EML1: variants seen among roughly 807,000 people sequenced by gnomAD.
EML1 encodes EMAP like 1.
In EML1, 27 loss-of-function variants were observed where a neutral mutation model predicts 110.4. The observed-to-expected ratio is 0.24, with a 90% CI of 0.18 to 0.34. EML1 has a LOEUF of 0.34. Among genes scored for constraint, EML1 ranks in the 10% least tolerant of loss-of-function variants. EML1 has a pLI of 1.00. For missense variants in EML1, 741 were observed against 1,030.9 expected (o/e 0.72, Z 3.85); for synonymous variants, 344 against 385.8 (o/e 0.89, Z 1.27).
chr14:99,772,728 A>C (rs1285226327), upstream of EML1, among the ~76,000 whole-genome samples: 1 of 152,228 alleles, frequency 6.6e-6, no homozygotes, highest in Non-Finnish European at 1.5e-5. Context: ...TCATATCTAC[A>C]TATAGTATTA....
chr14:99,787,382 G>T (rs1049211905), intron 1 of EML1, among the ~76,000 whole-genome samples: 1 of 149,804 alleles, frequency 6.7e-6, no homozygotes, highest in Non-Finnish European at 1.5e-5. Context: ...CAGTTCAAGC[G>T]ATTCTCCTGC....
At chr14:99,747,302 A>T (rs2057122475) in intron 1 of EML1, among the ~76,000 whole-genome samples, 1 of 152,054 alleles carries the variant, frequency 6.6e-6, no homozygotes. Flanking sequence ...GGCACTGCGC[A>T]TTCTTCCAGG....
chr14:99,883,386 CT>C (rs2059420593), intron 4 of EML1: 1 of 152,290 alleles, frequency 6.6e-6, no homozygotes, highest in African/African-American at 2.4e-5. Flanking sequence ...CAAAAATTAG[CT>C]GAGCGTGTTG....
chr14:99,866,602 C>CAGTAGTGTTA (rs1389207777), intron 3 of EML1, among the ~76,000 whole-genome samples: 2 of 140,414 alleles, frequency 1.4e-5, no homozygotes, highest in Admixed American at 7.2e-5. Context: ...AAAAAGAGTT[C>CAGTAGTGTTA]AGTAGTGTTA....
chr14:99,776,732 C>A (rs1381351323), intron 1 of EML1, among the ~76,000 whole-genome samples: 6 of 152,186 alleles, frequency 3.9e-5, no homozygotes, highest in Non-Finnish European at 7.3e-5. Context: ...CCCCTCTTCT[C>A]AAATGGTGAT....
intron 15 of EML1, among the ~76,000 whole-genome samples, chr14:99,916,574 CTT>C (rs1003179319): frequency 1.2e-4 from 18 of 152,280 alleles, no homozygotes; most frequent in African/African-American, 4.3e-4. Context: ...TCATGTCACT[CTT>C]TTTATTGAAA....
At chr14:99,849,503 A>G (rs986512248) in intron 1 of EML1, among the ~76,000 whole-genome samples, 214 of 141,860 alleles carry the variant, frequency 1.5e-3, no homozygotes, top group African/African-American at 5.4e-3. Flanking sequence ...GTGTGTGTGT[A>G]TTTGTGTGTG....
At chr14:99,826,032 T>C (rs1241181310) in intron 1 of EML1, among the ~76,000 whole-genome samples, 3 of 152,040 alleles carry the variant, frequency 2.0e-5, no homozygotes, top group Non-Finnish European at 4.4e-5. Context: ...GTTGGCTTAA[T>C]GTGAGTTCTT....
intron 17 of EML1, among the ~76,000 whole-genome samples, chr14:99,935,785 A>AC (rs2060459768): frequency 1.5e-5 from 2 of 132,274 alleles, no homozygotes; most frequent in Non-Finnish European, 3.6e-5. Context: ...CCGTCTCAAA[A>AC]AAAAAAAAAA....
chr14:99,762,631 G>A (rs1290660771), intron 1 of EML1, among the ~76,000 whole-genome samples: 2 of 152,062 alleles, frequency 1.3e-5, no homozygotes, highest in Non-Finnish European at 2.9e-5. Flanking sequence ...GACCCTTTCC[G>A]TACAAAAAAT....
At chr14:99,823,506 C>T (rs1320120245) in intron 1 of EML1, among the ~76,000 whole-genome samples, 6 of 152,010 alleles carry the variant, frequency 3.9e-5, no homozygotes, top group Admixed American at 1.3e-4. Context: ...CAAATAATAC[C>T]GATCCTAACA....
chr14:99,791,163 C>G (rs980245229), upstream of EML1, among the ~76,000 whole-genome samples: 10 of 152,230 alleles, frequency 6.6e-5, no homozygotes, highest in African/African-American at 2.4e-4. Flanking sequence ...CTCGGCCTCC[C>G]TGCCAAAGTG....
At chr14:99,932,169 G>A (rs776325014) in intron 17 of EML1, among the ~76,000 whole-genome samples, 18 of 152,176 alleles carry the variant, frequency 1.2e-4, no homozygotes, top group African/African-American at 1.9e-4. Flanking sequence ...TGGATGGTAC[G>A]ATCAGCCGGT....
At chr14:99,838,930 T>TGTGTGTGTGTGTGCGCGC (rs35886892) in intron 1 of EML1, 3 of 148,572 alleles carry the variant, frequency 2.0e-5, no homozygotes, top group South Asian at 2.2e-4. Flanking sequence ...TGTGTGTGTG[T>TGTGTGTGTGTGTGCGCGC]GCGCGCGCGC....
chr14:99,825,816 C>T (rs1368109904), intron 1 of EML1, among the ~76,000 whole-genome samples: 1 of 152,194 alleles, frequency 6.6e-6, no homozygotes, highest in African/African-American at 2.4e-5. Context: ...GCAAAGGGAG[C>T]AGTCGAGGTG....
chr14:99,916,907 G>A (rs2060043102), intron 15 of EML1, among the ~76,000 whole-genome samples: 1 of 152,172 alleles, frequency 6.6e-6, no homozygotes, highest in African/African-American at 2.4e-5. Flanking sequence ...CCTCCCCTGT[G>A]TATCTCTTTC....
Position 99,809,817 on chromosome 14 carries a change from G to A in EML1, c.67+16274G>A, listed in dbSNP as rs892454706. ...TTTAGTGTGAAAGTTCTGCTTTTCTGTAGAGGTATTTTTGAATGTGACTAT... is the reference window on the plus strand; with the variant it reads ...TTTAGTGTGAAAGTTCTGCTTTTCTATAGAGGTATTTTTGAATGTGACTAT... On this transcript the variant is annotated intron_variant, in intron 1 of 21. Transcript: ENST00000262233. 5.4e-5 allele frequency: 24 copies of A among 443,918 alleles called. No individual in the cohort carries two copies. The Middle Eastern group carries it at 2.0e-3, about 37-fold the overall frequency. The allele number at this position is 443,918 out of a possible 1,614,324, so 27.5% of individuals were successfully genotyped here.
intron 17 of EML1, among the ~76,000 whole-genome samples, chr14:99,931,486 G>A (rs2060366892): frequency 6.6e-6 from 1 of 152,208 alleles, no homozygotes; most frequent in Non-Finnish European, 1.5e-5. Context: ...CAGCCGTAAG[G>A]TTGTCCTTCT....
chr14:99,906,653 A>G (rs980634468), intron 9 of EML1, among the ~76,000 whole-genome samples: 5 of 152,144 alleles, frequency 3.3e-5, no homozygotes, highest in African/African-American at 1.2e-4. Context: ...TAGAATGCCT[A>G]ACCATCTGGG....
Sources: allele counts gnomAD v4.1 joint callset (sites outside exome capture counted in the v4.1 genomes callset), GRCh38; gene constraint gnomAD v4.1.1; transcripts MANE v1.5; gene names NCBI Gene and HGNC (gene_info 2026-07-23, HGNC 2026-07-21).